BOC: variants seen among roughly 807,000 people sequenced by gnomAD.
The protein encoded by BOC is BOC cell adhesion associated, oncogene regulated.
Under a neutral mutation model 112.0 loss-of-function variants are expected in BOC, and 76 were observed. That is an observed-to-expected ratio of 0.68 (90% CI 0.56 to 0.82). The LOEUF is 0.82. BOC is among the 40% of genes least tolerant of loss of function. BOC has a pLI of 0.00. For missense variants in BOC, 1,309 were observed against 1,511.7 expected, an observed-to-expected ratio of 0.87 and a Z score of 2.22; for synonymous variants, 580 against 599.8, an observed-to-expected ratio of 0.97 and a Z score of 0.48.
At chr3:113,259,838 C>T (rs1946622632) in intron 4 of BOC, among the ~76,000 whole-genome samples, 1 of 152,330 alleles carries the variant, frequency 6.6e-6, no homozygotes, top group Admixed American at 6.5e-5. Flanking sequence ...GCCTTTCCCT[C>T]AGGCCCACTT....
rs751976756 is a variant in BOC at position 113,272,601 on chromosome 3, G to A, written c.859G>A (p.Asp287Asn). ...CTTCCTGCTGAGCAACCTCCTCATC[G>A]ACACCACCAGCGAGGAGGACTCAGG... ...TRFLLSNLLI[D>N]TTSEEDSGTY... The change falls in exon 7 of 20, where the codon GAC becomes AAC. Residue 287 changes from aspartate (D) to asparagine (N), a missense_variant. Transcript: ENST00000682979. The A allele has an allele frequency of 6.2e-6, 10 of 1,613,942 alleles. No homozygotes were observed. Among genetic ancestry groups the A allele is most frequent in the Admixed American group, 5.0e-5 (3 of 59,994 alleles).
At position 113,273,327 on chromosome 3, in the gene BOC, G is replaced by A. The variant is rs566283417; in HGVS notation, c.1220G>A (p.Arg407Gln). The A allele has an allele frequency of 1.1e-4, 174 of 1,591,496 alleles. No homozygotes were observed. Among genetic ancestry groups the A allele is most frequent in the Non-Finnish European group, 1.1e-4 (126 of 1,162,360 alleles). Reference protein sequence around the residue: ...VGSAHAVVQLRTSRPSITPRL... With the variant: ...VGSAHAVVQLQTSRPSITPRL... ...AGCGCCCATGCCGTAGTCCAGCTGC[G>A]GACCTCCAGGCCAAGTGAGTGTAGC... Residue 407 changes from arginine (R) to glutamine (Q), a missense_variant, in exon 8 of 20, where the codon CGG becomes CAG. Arg to Gln is a conservative substitution (Grantham distance 43). Coordinates refer to ENST00000682979, the MANE Select transcript of BOC (RefSeq NM_001378074.1).
chr3:113,261,879 C>G (rs1946918062), intron 4 of BOC: 1 of 152,126 alleles, frequency 6.6e-6, no homozygotes, highest in Admixed American at 6.5e-5. Flanking sequence ...CTTTCTTCCA[C>G]TGCTCAAATC....
At chr3:113,214,385 C>T (rs1429674489) in intron 1 of BOC, among the ~76,000 whole-genome samples, 4 of 152,152 alleles carry the variant, frequency 2.6e-5, no homozygotes, top group Non-Finnish European at 4.4e-5. Flanking sequence ...ATGGACCCCC[C>T]ACGGTTTGAA....
rs1949104205 is a variant in BOC, at chr3:113,280,639, G to A, written c.2287G>A (p.Asp763Asn). 1 of 1,608,316 alleles carries A rather than the reference G, an allele frequency of 6.2e-7. No individual in the cohort carries two copies. The highest frequency in any genetic ancestry group is 1.1e-5 in the South Asian group (1 of 90,940). Residue 763 changes from aspartate (D) to asparagine (N), a missense_variant, in exon 14 of 20, where the codon GAC becomes AAC. Coordinates refer to ENST00000682979, the MANE Select transcript of BOC (RefSeq NM_001378074.1). Reference sequence around the variant, plus strand: ...ACCCACAGACAGTGACAATGATAGTGACTACAAGAAGGATATGGTGGAAGG... The same window carrying A: ...ACCCACAGACAGTGACAATGATAGTAACTACAAGAAGGATATGGTGGAAGG... ...YRPTDSDNDS[D>N]YKKDMVEGDK...
At chr3:113,222,115 AATT>A (rs1225733640) in intron 2 of BOC, among the ~76,000 whole-genome samples, 1 of 151,880 alleles carries the variant, frequency 6.6e-6, no homozygotes, top group East Asian at 1.9e-4. Flanking sequence ...CCTTCAACCT[AATT>A]TCTTTTCCTC....
intron 2 of BOC, among the ~76,000 whole-genome samples, chr3:113,237,272 A>G (rs1284964544): frequency 6.6e-6 from 1 of 152,150 alleles, no homozygotes; most frequent in Non-Finnish European, 1.5e-5. Flanking sequence ...AGCTGGGGTA[A>G]AACTAGGTGC....
intron 18 of BOC, 137 bp downstream of exon 18, chr3:113,284,995 C>T (rs1949536545): frequency 5.4e-6 from 4 of 745,308 alleles, no homozygotes; most frequent in South Asian, 5.2e-5. Flanking sequence ...AATCATGCTC[C>T]TCTGAACCAT....
intron 13 of BOC, 39 bp from the exon 14 acceptor site, chr3:113,280,519 C>T (rs1949093858): frequency 3.5e-6 from 5 of 1,427,456 alleles, no homozygotes; most frequent in East Asian, 2.3e-5. Context: ...GATGTTTTCT[C>T]TGCCCATTGT....
At chr3:113,272,944 T>C (rs549960367) in intron 7 of BOC, 125 bp from the exon 8 acceptor site, 1 of 1,269,984 alleles carries the variant, frequency 7.9e-7, no homozygotes, top group South Asian at 1.4e-5. Flanking sequence ...CCCTCTACTC[T>C]GCCCATTAGG....
chr3:113,279,386 G>T lies in BOC; in HGVS notation c.1954G>T (p.Asp652Tyr). 1 of 1,614,230 alleles carries T rather than the reference G, an allele frequency of 6.2e-7. No homozygotes were observed. The highest frequency in any genetic ancestry group is 8.5e-7 in the Non-Finnish European group (1 of 1,180,038). ...VEYKKLKKVG[D>Y]WILATSAIPP... is the part of the protein sequence containing the mutation. ...GTACAAGAAGCTAAAGAAAGTGGGA[G>T]ACTGGATTCTGGCCACCAGCGCCAT... Residue 652 changes from aspartate to tyrosine, a missense_variant, in exon 12 of 20, where the codon GAC becomes TAC. By Grantham distance (160) the Asp-to-Tyr change is radical. Coordinates refer to ENST00000682979, the MANE Select transcript of BOC (RefSeq NM_001378074.1).
intron 2 of BOC, among the ~76,000 whole-genome samples, chr3:113,240,511 T>C (rs76647898): frequency 0.023 from 3,449 of 152,312 alleles, 52 homozygotes; most frequent in Non-Finnish European, 0.035. Context: ...TCTAGGAGCA[T>C]GTATTCATTC....
chr3:113,234,110 A>G (rs1002434277), intron 2 of BOC, among the ~76,000 whole-genome samples: 6 of 152,198 alleles, frequency 3.9e-5, no homozygotes, highest in Non-Finnish European at 8.8e-5. Flanking sequence ...CTTATAAACA[A>G]GTAAGTTACA....
Position 113,274,531 on chromosome 3 carries a change from G to A in BOC, c.1391G>A (p.Gly464Glu). ...SVGPASPQCP[G>E]EKGQGAPAEA... ...GGGCCTGCTTCCCCGCAGTGTCCAG[G>A]AGAGAAGGGGCAGGGGGCTCCCGCC... is the stretch of plus-strand genomic sequence containing the variant. The change falls in exon 9 of 20, where the codon GGA becomes GAA. Residue 464 changes from glycine (G) to glutamate (E), a missense_variant. By Grantham distance (98) the Gly-to-Glu change is moderately conservative. Transcript: ENST00000682979. The surrounding 1 kb of genome is among the most constrained non-coding windows in gnomAD (Gnocchi z 4.8). 6.2e-7 allele frequency: 1 copy of A among 1,613,498 alleles called. No individual in the cohort carries two copies. Among genetic ancestry groups the A allele is most frequent in the Non-Finnish European group, 8.5e-7 (1 of 1,179,944 alleles).
At position 113,272,646 on chromosome 3, in the gene BOC, G is replaced by A. The variant is rs138989977; in HGVS notation, c.904G>A (p.Asp302Asn). ...EDSGTYRCMADNGVGQPGAAV... is the reference protein window; with the variant it reads ...EDSGTYRCMANNGVGQPGAAV... ...CTCAGGCACCTACCGCTGCATGGCC[G>A]ACAATGGGGTTGGGCAGCCCGGGGC... The change falls in exon 7 of 20, where the codon GAC (aspartate) becomes AAC (asparagine). Residue 302 changes from aspartate to asparagine, a missense_variant. Asp to Asn is a conservative substitution (Grantham distance 23). Coordinates refer to ENST00000682979, the MANE Select transcript of BOC (RefSeq NM_001378074.1). 8.5e-4 allele frequency: 1,379 copies of A among 1,613,966 alleles called. No homozygotes were observed. The highest frequency in any genetic ancestry group is 1.0e-3 in the Non-Finnish European group (1,234 of 1,180,004).
chr3:113,262,017 T>A (rs1946942820), intron 4 of BOC: 1 of 152,166 alleles, frequency 6.6e-6, no homozygotes, highest in Admixed American at 6.5e-5. Context: ...GAAACTGTTT[T>A]CTTTAAATAA....
chr3:113,241,920 G>A (rs1944355102), intron 2 of BOC, among the ~76,000 whole-genome samples: 1 of 152,032 alleles, frequency 6.6e-6, no homozygotes, highest in Non-Finnish European at 1.5e-5. Flanking sequence ...CTCAGAGAAG[G>A]GAGGAGGAGG....
chr3:113,278,002 C>T lies in BOC; in HGVS notation c.1543-93C>T, dbSNP rs1195064008. On this transcript the variant is annotated intron_variant, in intron 9 of 19. Coordinates refer to ENST00000682979, the MANE Select transcript of BOC (RefSeq NM_001378074.1). The surrounding 1 kb of genome is among the most constrained non-coding windows in gnomAD (Gnocchi z 4.2). ...CTTATCGTCCTTCCCCTTCTCCTGCCCTCTTGGGCTCAGCGCTGCTTTCTT... is the reference window on the plus strand; with the variant it reads ...CTTATCGTCCTTCCCCTTCTCCTGCTCTCTTGGGCTCAGCGCTGCTTTCTT... 2 of 1,484,384 alleles carry T rather than the reference C, an allele frequency of 1.3e-6. No homozygotes were observed. Among genetic ancestry groups the T allele is most frequent in the East Asian group, 2.3e-5 (1 of 43,886 alleles). 92.0% of individuals were successfully genotyped at this position (1,484,384 alleles called of 1,614,324 possible).
In BOC at chr3:113,216,180, TC is replaced by T. The variant is rs2107572043; in HGVS notation, c.-169-5del. 2.2e-6 allele frequency: 1 copy of T among 451,866 alleles called. No individual in the cohort carries two copies. The highest frequency in any genetic ancestry group is 7.0e-5 in the East Asian group (1 of 14,320). The allele number at this position is 451,866 out of a possible 1,614,324, so 28.0% of individuals were successfully genotyped here. ...TCAAAAGATGAGATAATTCTCTTTTTCCTCAGTTTCAGAACAAGCTTCCTGG... is the reference window on the plus strand; with the variant it reads ...TCAAAAGATGAGATAATTCTCTTTTTCTCAGTTTCAGAACAAGCTTCCTGG... On this transcript the variant is annotated splice_region_variant and splice_polypyrimidine_tract_variant and intron_variant, in intron 1 of 19. Transcript: ENST00000682979.
Sources: allele counts gnomAD v4.1 joint callset (sites outside exome capture counted in the v4.1 genomes callset), GRCh38; gene constraint gnomAD v4.1.1; non-coding constraint Gnocchi (gnomAD v3.1); transcripts MANE v1.5; gene names NCBI Gene and HGNC (gene_info 2026-07-23, HGNC 2026-07-21).